ARID2: variants seen among roughly 807,000 people sequenced by gnomAD.
The protein encoded by ARID2 is AT-rich interaction domain 2.
ARID2 carries 32 observed loss-of-function variants against 184.6 expected under a neutral mutation model. The observed-to-expected ratio is 0.17, with a 90% CI of 0.13 to 0.23. The LOEUF (loss-of-function observed/expected upper bound fraction) is 0.23. ARID2 is among the 10% of genes least tolerant of loss of function. The pLI is 1.00. For missense variants in ARID2, 1,696 were observed against 2,197.6 expected, an observed-to-expected ratio of 0.77 and a Z score of 4.56; for synonymous variants, 836 against 772.6, an observed-to-expected ratio of 1.08 and a Z score of -1.36.
chr12:45,735,230 A>G (rs1172605805), intron 3 of ARID2, among the ~76,000 whole-genome samples: 1 of 152,136 alleles, frequency 6.6e-6, no homozygotes, highest in Non-Finnish European at 1.5e-5. Flanking sequence ...TCCACCATAT[A>G]GATCAATTCT....
In ARID2 at chr12:45,893,445, T is replaced by G. The variant is rs2136462177; in HGVS notation, c.5173T>G (p.Ser1725Ala). 1 of 1,613,828 alleles carries G rather than the reference T, an allele frequency of 6.2e-7. No individual in the cohort carries two copies. The change falls in exon 19 of 21, where the codon TCA (serine) becomes GCA (alanine). Residue 1725 changes from serine to alanine, a missense_variant. By Grantham distance (99) the Ser-to-Ala change is moderately conservative (BLOSUM62 1). Coordinates refer to ENST00000334344, the MANE Select transcript of ARID2 (RefSeq NM_152641.4). Reference protein sequence around the residue: ...TKQPTVGGTSSTPRAQKAIVN... With the variant: ...TKQPTVGGTSATPRAQKAIVN... ...GCAGCCAACTGTAGGGGGCACAAGC[T>G]CAACTCCTAGAGCACAAAAGGCCAT...
intron 3 of ARID2, among the ~76,000 whole-genome samples, chr12:45,749,943 C>G (rs1414245612): frequency 6.6e-6 from 1 of 152,160 alleles, no homozygotes; most frequent in Non-Finnish European, 1.5e-5. Flanking sequence ...TTTCTACTTA[C>G]CAGCCATAAG....
rs114736332 is a variant in ARID2, at chr12:45,842,847, A to G, written c.1498+3351A>G. 6.9e-3 allele frequency among the ~76,000 whole-genome samples: 1,053 copies of G among 152,232 alleles called. 11 individuals are homozygous for G. Among genetic ancestry groups the G allele is most frequent in the African/African-American group, 0.024 (998 of 41,530 alleles). On this transcript the variant is annotated intron_variant, in intron 11 of 20. Transcript: ENST00000334344. ...TCTCCCCTCTAATTCTCTAGATGCT[A>G]TTAATTCAGTATATCTCTCAATGAC...
At chr12:45,890,737 T>G (rs1308572226) in intron 16 of ARID2, among the ~76,000 whole-genome samples, 1 of 152,158 alleles carries the variant, frequency 6.6e-6, no homozygotes, top group Admixed American at 6.5e-5. Flanking sequence ...TTTTAAAATA[T>G]TAGTCATTCC....
intron 3 of ARID2, among the ~76,000 whole-genome samples, chr12:45,780,196 A>G (rs1565593131): frequency 6.6e-6 from 1 of 152,228 alleles, no homozygotes; most frequent in African/African-American, 2.4e-5. Flanking sequence ...CATTGCTGAT[A>G]CAAACTGACA....
chr12:45,844,094 G>A (rs995780004), intron 11 of ARID2, among the ~76,000 whole-genome samples: 6 of 151,968 alleles, frequency 3.9e-5, no homozygotes, highest in African/African-American at 7.3e-5. Context: ...GTGCAGGGGC[G>A]CCATCAGAAC....
chr12:45,819,086 A>AT (rs1315099315), intron 5 of ARID2, among the ~76,000 whole-genome samples: 1 of 152,128 alleles, frequency 6.6e-6, no homozygotes, highest in Non-Finnish European at 1.5e-5. Flanking sequence ...ATTGTTTCAC[A>AT]TTTTTTAGAA....
At chr12:45,735,590 G>A (rs1480107781) in intron 3 of ARID2, among the ~76,000 whole-genome samples, 2 of 151,746 alleles carry the variant, frequency 1.3e-5, no homozygotes, top group East Asian at 1.9e-4. Flanking sequence ...CAAAGTGCTC[G>A]GATACAAAAG....
At chr12:45,753,477 C>G (rs1941506594) in intron 3 of ARID2, among the ~76,000 whole-genome samples, 1 of 152,040 alleles carries the variant, frequency 6.6e-6, no homozygotes, top group East Asian at 1.9e-4. Flanking sequence ...AAGTGTGTAC[C>G]TTATAGAGTT....
chr12:45,818,891 A>G (rs969889385), intron 5 of ARID2, among the ~76,000 whole-genome samples: 3 of 152,162 alleles, frequency 2.0e-5, no homozygotes, highest in Non-Finnish European at 4.4e-5. Context: ...AACTTGCCCA[A>G]AACTATTCTT....
chr12:45,789,134 T>C (rs182514885), intron 3 of ARID2: 1 of 152,200 alleles, frequency 6.6e-6, no homozygotes, highest in Non-Finnish European at 1.5e-5. Context: ...CAAATCCTGG[T>C]TGTAAAACTC....
At chr12:45,757,964 A>C (rs1054686732) in intron 3 of ARID2, among the ~76,000 whole-genome samples, 3 of 152,200 alleles carry the variant, frequency 2.0e-5, no homozygotes, top group African/African-American at 7.2e-5. Flanking sequence ...TTTTCTAATA[A>C]ATTCCTTTAG....
At chr12:45,887,173 T>A (rs1351894371) in intron 16 of ARID2, among the ~76,000 whole-genome samples, 2 of 152,230 alleles carry the variant, frequency 1.3e-5, no homozygotes, top group Non-Finnish European at 2.9e-5. Flanking sequence ...AAGCTAATCC[T>A]GAGCTTTCAC....
At chr12:45,789,566 C>T (rs1024011389) in intron 3 of ARID2, 2 of 152,034 alleles carry the variant, frequency 1.3e-5, no homozygotes, top group African/African-American at 4.8e-5. Context: ...GCCTTGATAA[C>T]CATCCTGGTC....
At chr12:45,825,184 G>T (rs979784513) in intron 6 of ARID2, among the ~76,000 whole-genome samples, 2 of 152,070 alleles carry the variant, frequency 1.3e-5, no homozygotes, top group African/African-American at 4.8e-5. Flanking sequence ...TTATAGGACA[G>T]TAGCATGACT....
At position 45,905,206 on chromosome 12, in the gene ARID2, GCT is replaced by G; in HGVS notation, c.*129_*130del. ...GAATTATTTTATCTCCTCCCATGAT[GCT>G]GAGAGGAAGCTTCGTATTCTGATCT... On this transcript the variant is annotated 3_prime_UTR_variant, in exon 21 of 21. Coordinates refer to ENST00000334344, the MANE Select transcript of ARID2 (RefSeq NM_152641.4). 11 of 909,704 alleles carry G rather than the reference GCT, an allele frequency of 1.2e-5. No individual in the cohort carries two copies. Among genetic ancestry groups the G allele is most frequent in the South Asian group, 2.4e-5 (1 of 41,504 alleles). 56.4% of individuals were successfully genotyped at this position (909,704 alleles called of 1,614,324 possible).
chr12:45,729,797 C>T lies in ARID2; in HGVS notation c.-40C>T, dbSNP rs1259979108. On this transcript the variant is annotated 5_prime_UTR_variant, in exon 1 of 21. Transcript: ENST00000334344. ...CTGGGAGCGGGGGGCGCTTTTAAAA[C>T]ACCGATCTGGGTTTTTTAAAAACCT... 1.3e-6 allele frequency: 2 copies of T among 1,551,254 alleles called. No individual in the cohort carries two copies. The highest frequency in any genetic ancestry group is 2.4e-5 in the East Asian group (1 of 42,178).
chr12:45,898,363 T>C (rs1944398023), intron 20 of ARID2, among the ~76,000 whole-genome samples: 1 of 152,170 alleles, frequency 6.6e-6, no homozygotes, highest in Non-Finnish European at 1.5e-5. Flanking sequence ...ATAGTGGTGA[T>C]GGTTGTACAA....
intron 3 of ARID2, among the ~76,000 whole-genome samples, chr12:45,738,013 A>G (rs531259016): frequency 2.6e-5 from 4 of 152,350 alleles, no homozygotes; most frequent in South Asian, 4.1e-4. Flanking sequence ...TTTGGATTAA[A>G]AAAATTAATT....
Sources: gnomAD v4.1 joint callset for allele counts (sites outside exome capture counted in the v4.1 genomes callset) on GRCh38, gnomAD v4.1.1 for gene constraint, MANE v1.5 for transcripts, NCBI Gene and HGNC (gene_info 2026-07-23, HGNC 2026-07-21) for gene names.